The following CACNA1D variants were observed in gnomAD, a reference collection of about 807,000 sequenced individuals.
CACNA1D encodes the protein voltage-dependent L-type calcium channel subunit alpha-1D.
A neutral mutation model predicts 257.1 loss-of-function variants in CACNA1D; 55 were observed. The observed-to-expected ratio is 0.21, with a 90% CI of 0.17 to 0.27. CACNA1D has a LOEUF of 0.27. CACNA1D is among the 10% of genes least tolerant of loss of function. CACNA1D has a pLI of 1.00. For missense variants in CACNA1D, 1,876 were observed against 2,784.0 expected, an observed-to-expected ratio of 0.67 and a Z score of 7.34; for synonymous variants, 980 against 1,014.9, an observed-to-expected ratio of 0.97 and a Z score of 0.65.
In CACNA1D at chr3:53,800,268, A is replaced by T. The variant is rs763635817; in HGVS notation, c.4943A>T (p.His1648Leu). 1.2e-6 allele frequency: 2 copies of T among 1,613,754 alleles called. No individual in the cohort carries two copies. The highest frequency in any genetic ancestry group is 1.7e-6 in the Non-Finnish European group (2 of 1,179,624). The change falls in exon 41 of 48, where the codon CAT (histidine) becomes CTT (leucine). Residue 1648 changes from histidine to leucine, a missense_variant. This residue lies in a region of CACNA1D where 160 missense variants were observed against 236.6 expected (regional missense o/e 0.68). Transcript: ENST00000350061. The surrounding 1 kb of genome is among the most constrained non-coding windows in gnomAD (Gnocchi z 4.3). The stretch of plus-strand genomic sequence containing the variant: ...ATCTAGGCGGGATTAAGGACACTGC[A>T]TGACATTGGGCCAGAAATCCGGCGT... ...IALQAGLRTL[H>L]DIGPEIRRAI...
In CACNA1D at chr3:53,507,088, A is replaced by AAC. The variant is rs1380978464; in HGVS notation, c.483+5369_483+5370insCA. On this transcript the variant is annotated intron_variant, in intron 3 of 47. Coordinates refer to ENST00000350061, the MANE Select transcript of CACNA1D (RefSeq NM_001128840.3). ...ACTCTATCTCAAAAAAAAAAAAAAA[A>AAC]AAAAACAAAAAAATGTGGTAGAAGG... 1.3e-4 allele frequency among the ~76,000 whole-genome samples: 19 copies of AAC among 151,208 alleles called. No homozygotes were observed. In the East Asian group the frequency reaches 2.9e-3, roughly 23 times the overall value.
At chr3:53,747,490 G>T (rs779429584) in intron 26 of CACNA1D, 42 bp downstream of exon 26, 2 of 1,606,690 alleles carry the variant, frequency 1.2e-6, no homozygotes, top group South Asian at 1.1e-5. Flanking sequence ...AGGCACCTGC[G>T]TGCCCAGGGC....
In CACNA1D at chr3:53,722,306, T is replaced by C; in HGVS notation, c.1506-8T>C. ...TCATCTACGTAGTAATGTTTGCTTG[T>C]CTTTTAGCCGACGCTGGCGTCGCTG... On this transcript the variant is annotated splice_polypyrimidine_tract_variant and splice_region_variant and intron_variant, in intron 11 of 47. Transcript: ENST00000350061. The C allele has an allele frequency of 6.2e-7, 1 of 1,614,074 alleles. No individual in the cohort carries two copies. The highest frequency in any genetic ancestry group is 2.2e-5 in the East Asian group (1 of 44,876).
chr3:53,684,451 G>A lies in CACNA1D; in HGVS notation c.1220+11325G>A, dbSNP rs532785632. Among the ~76,000 whole-genome samples the A allele has an allele frequency of 8.6e-5, 13 of 151,990 alleles. No homozygotes were observed. In the East Asian group the frequency reaches 1.7e-3, roughly 20 times the overall value. On this transcript the variant is annotated intron_variant, in intron 8 of 47. Coordinates refer to ENST00000350061, the MANE Select transcript of CACNA1D (RefSeq NM_001128840.3). ...AGCCTGACCAACATGGAGAAACCCC[G>A]TCTCTACTAAAAATACAAAAAATTA...
chr3:53,556,363 A>G (rs2092645239), intron 3 of CACNA1D, among the ~76,000 whole-genome samples: 1 of 152,230 alleles, frequency 6.6e-6, no homozygotes, highest in Non-Finnish European at 1.5e-5. Context: ...TATTCCCACC[A>G]GAAGTGTATG....
intron 29 of CACNA1D, among the ~76,000 whole-genome samples, chr3:53,761,267 G>C (rs1294273537): frequency 6.6e-6 from 1 of 152,204 alleles, no homozygotes; most frequent in Non-Finnish European, 1.5e-5. Flanking sequence ...GACAGAGGGA[G>C]CCCTGGAACA....
At chr3:53,632,558 G>A (rs992472419) in intron 3 of CACNA1D, among the ~76,000 whole-genome samples, 2 of 152,256 alleles carry the variant, frequency 1.3e-5, no homozygotes, top group Admixed American at 6.5e-5. Flanking sequence ...GGTTTGGTAC[G>A]AAAGGCCTGG....
At position 53,710,079 on chromosome 3, in the gene CACNA1D, C is replaced by A. The variant is rs188952246; in HGVS notation, c.1390+7269C>A. ...GTCTGTACAGGGCTCCTGACTCCCCCTAAAGTGCCTTTTCCTTAATACCCT... is the reference window on the plus strand; with the variant it reads ...GTCTGTACAGGGCTCCTGACTCCCCATAAAGTGCCTTTTCCTTAATACCCT... On this transcript the variant is annotated intron_variant, in intron 9 of 47. Transcript: ENST00000350061. 2.9e-3 allele frequency among the ~76,000 whole-genome samples: 447 copies of A among 152,348 alleles called. 2 individuals carry two copies. Among genetic ancestry groups the A allele is most frequent in the Non-Finnish European group, 5.5e-3 (374 of 68,032 alleles).
intron 3 of CACNA1D, among the ~76,000 whole-genome samples, chr3:53,580,844 C>T (rs539943130): frequency 1.3e-5 from 2 of 152,330 alleles, no homozygotes; most frequent in South Asian, 2.1e-4. Flanking sequence ...AAAATCTTCT[C>T]ATATATGTCT....
chr3:53,729,945 T>A (rs1474145047), intron 15 of CACNA1D, among the ~76,000 whole-genome samples: 1 of 152,246 alleles, frequency 6.6e-6, no homozygotes, highest in African/African-American at 2.4e-5. Flanking sequence ...TCTCATACTG[T>A]CTTGTGCAAG....
chr3:53,628,756 C>T (rs374711886), intron 3 of CACNA1D, among the ~76,000 whole-genome samples: 1 of 152,288 alleles, frequency 6.6e-6, no homozygotes, highest in Non-Finnish European at 1.5e-5. Flanking sequence ...CATTTCAGTG[C>T]CTGCAAGTCT....
chr3:53,677,155 T>C (rs1432994953), intron 8 of CACNA1D, among the ~76,000 whole-genome samples: 1 of 152,174 alleles, frequency 6.6e-6, no homozygotes, highest in East Asian at 1.9e-4. Flanking sequence ...GGTGGTAGGC[T>C]GGTTGGCTCT....
intron 4 of CACNA1D, among the ~76,000 whole-genome samples, chr3:53,654,396 C>T (rs1252464348): frequency 6.6e-6 from 1 of 152,054 alleles, no homozygotes; most frequent in East Asian, 1.9e-4. Context: ...AAATAAAGTA[C>T]ATGACAATGG....
chr3:53,808,654 C>A lies in CACNA1D; in HGVS notation c.5755C>A (p.Arg1919=). 6.2e-7 allele frequency: 1 copy of A among 1,608,082 alleles called. No homozygotes were observed. Among genetic ancestry groups the A allele is most frequent in the Non-Finnish European group, 8.5e-7 (1 of 1,179,980 alleles). The change falls in exon 46 of 48, where the codon CGG becomes AGG. Residue 1919 remains arginine (R), a synonymous_variant. Transcript: ENST00000350061. ...GATGCCCTTTGCTTTCCCAGCCCAC[C>A]GGAGATCCTCCTTCAACTTTGAGTG... ...RLLPPTPASH[R]RSSFNFECLR... is the part of the protein sequence containing the mutation.
At chr3:53,615,576 C>G (rs915386736) in intron 3 of CACNA1D, among the ~76,000 whole-genome samples, 1 of 152,224 alleles carries the variant, frequency 6.6e-6, no homozygotes, top group African/African-American at 2.4e-5. Context: ...GATCTCCAAA[C>G]CAGTGGGCTT....
chr3:53,497,309 A>G lies in CACNA1D; in HGVS notation c.225A>G (p.Pro75=). The G allele has an allele frequency of 6.2e-7, 1 of 1,613,978 alleles. No individual in the cohort carries two copies. The highest frequency in any genetic ancestry group is 8.5e-7 in the Non-Finnish European group (1 of 1,179,992). Residue 75 remains proline (P), a synonymous_variant, in exon 2 of 48, where the codon CCA becomes CCG. Coordinates refer to ENST00000350061, the MANE Select transcript of CACNA1D (RefSeq NM_001128840.3). ...AAQTMSTSAP[P]PVGSLSQRKR... ...AAACTATGAGCACCTCTGCACCCCC[A>G]CCTGTAGGATCTCTCTCCCAAAGAA...
At chr3:53,718,596 C>A (rs1314841154) in intron 10 of CACNA1D, 2 of 951,862 alleles carry the variant, frequency 2.1e-6, no homozygotes, top group Admixed American at 4.1e-5. Context: ...CCCCGCCCCC[C>A]GGCCCAGCAT....
At chr3:53,739,124 C>T (rs139440000) in intron 20 of CACNA1D, among the ~76,000 whole-genome samples, 9 of 152,320 alleles carry the variant, frequency 5.9e-5, no homozygotes, top group East Asian at 1.9e-4. Context: ...AGCCCCCAGG[C>T]GACTCCTCTA....
chr3:53,672,135 G>A (rs2094328937), intron 7 of CACNA1D, among the ~76,000 whole-genome samples: 1 of 152,228 alleles, frequency 6.6e-6, no homozygotes, highest in Non-Finnish European at 1.5e-5. Context: ...GTGTCTGAAT[G>A]TGCAGCATGA....
Sources: gnomAD v4.1 joint callset for allele counts (sites outside exome capture counted in the v4.1 genomes callset) on GRCh38, gnomAD v4.1.1 for gene constraint, gnomAD v4.1.1 regional missense constraint, Gnocchi (gnomAD v3.1) non-coding constraint, MANE v1.5 for transcripts, NCBI Gene and HGNC (gene_info 2026-07-23, HGNC 2026-07-21) for gene names.